LCN12: variants seen among roughly 807,000 people sequenced by gnomAD.
LCN12 encodes the protein epididymal-specific lipocalin-12.
In LCN12, 15 loss-of-function variants were observed where a neutral mutation model predicts 23.7. That is an observed-to-expected ratio of 0.63 (90% CI 0.42 to 0.97). The LOEUF is 0.97. Ranked by LOEUF, LCN12 falls within the 50% of genes least tolerant of loss-of-function variation. The pLI is 0.00. For missense variants in LCN12, 219 were observed against 249.6 expected, an observed-to-expected ratio of 0.88 and a Z score of 0.83; for synonymous variants, 116 against 111.5, an observed-to-expected ratio of 1.04 and a Z score of -0.25.
chr9:136,952,219 C>T (rs1468214926), upstream of LCN12: 4 of 789,520 alleles, frequency 5.1e-6, no homozygotes, highest in Middle Eastern at 4.6e-4. Context: ...GGGGCACACC[C>T]CCTTGGGAGG....
chr9:136,955,790 C>T (rs1313366547), downstream of LCN12, among the ~76,000 whole-genome samples: 1 of 152,252 alleles, frequency 6.6e-6, no homozygotes, highest in Non-Finnish European at 1.5e-5. Context: ...TCCACCTCCA[C>T]CCTGGTCAGC....
At position 136,953,863 on chromosome 9, in the gene LCN12, G is replaced by C; in HGVS notation, c.347G>C (p.Arg116Thr). Residue 116 changes from arginine to threonine, a missense_variant, in exon 4 of 6, where the codon AGA becomes ACA. Arg to Thr is a moderately conservative substitution (Grantham distance 71, BLOSUM62 -1). Transcript: ENST00000371633. Reference protein sequence around the residue: ...VDHGVEPGADREETRVVDSDY... With the variant: ...VDHGVEPGADTEETRVVDSDY... The stretch of plus-strand genomic sequence containing the variant: ...GCCGCCTCAGAGCCCGGGGCGGACA[G>C]AGAGGAGACCCGGGTGGTGGACAGC... 1.2e-6 allele frequency: 2 copies of C among 1,602,954 alleles called. No homozygotes were observed. Among genetic ancestry groups the C allele is most frequent in the African/African-American group, 1.3e-5 (1 of 74,952 alleles).
Position 136,955,424 on chromosome 9 carries a change from C to T in LCN12, c.*25C>T. ...AAGGATGAAGCAGCTCCTGTCCGGCCCAGCCCTGCCTCACAGCTGTGCGAG... is the reference window on the plus strand; with the variant it reads ...AAGGATGAAGCAGCTCCTGTCCGGCTCAGCCCTGCCTCACAGCTGTGCGAG... On this transcript the variant is annotated 3_prime_UTR_variant, in exon 6 of 6. Coordinates refer to ENST00000371633, the MANE Select transcript of LCN12 (RefSeq NM_178536.4). 1 of 1,608,932 alleles carries T rather than the reference C, an allele frequency of 6.2e-7. No individual in the cohort carries two copies. The highest frequency in any genetic ancestry group is 8.5e-7 in the Non-Finnish European group (1 of 1,176,026).
At chr9:136,954,106 A>G (rs1454511357) in intron 4 of LCN12, 48 bp from the exon 5 acceptor site, 1 of 1,516,732 alleles carries the variant, frequency 6.6e-7, no homozygotes, top group Non-Finnish European at 8.9e-7. Flanking sequence ...CCCAGCCCCC[A>G]ACCCCCTGCC....
chr9:136,952,732 A>C (rs950760868), intron 1 of LCN12, 160 bp from the exon 2 acceptor site: 8 of 796,032 alleles, frequency 1.0e-5, no homozygotes, highest in African/African-American at 1.7e-5. Flanking sequence ...CCAGACCCAG[A>C]GTAGGCTCTG....
rs1295538663 is a variant in LCN12, at chr9:136,952,875, C to T, written c.115-17C>T. 3.7e-6 allele frequency: 6 copies of T among 1,608,494 alleles called. No homozygotes were observed. The African/African-American group carries it at 8.0e-5, about 21-fold the overall frequency. ...ACCCCTGCCCACCGCCGCCCCTGCC[C>T]ACCACCGCCTCTGTAGTTCCAGGGG... On this transcript the variant is annotated splice_polypyrimidine_tract_variant and intron_variant, in intron 1 of 5. Coordinates refer to ENST00000371633, the MANE Select transcript of LCN12 (RefSeq NM_178536.4).
rs546586766 is a variant in LCN12 at position 136,955,335 on chromosome 9, CTT to C, written c.551-34_551-33del. 1.9e-4 allele frequency: 313 copies of C among 1,608,822 alleles called. No individual in the cohort carries two copies. In the East Asian group the frequency reaches 6.4e-3, roughly 33 times the overall value. The stretch of plus-strand genomic sequence containing the variant: ...TCCTGGGCTCTGTCCCCTGCTCCCC[CTT>C]TGTCCTCCATCCCGACTCCATCTCC... On this transcript the variant is annotated intron_variant, in intron 5 of 5. Transcript: ENST00000371633.
intron 2 of LCN12, 30 bp downstream of exon 2, chr9:136,953,058 G>C (rs201549988): frequency 4.3e-6 from 7 of 1,611,112 alleles, no homozygotes; most frequent in Admixed American, 1.7e-5. Flanking sequence ...GTTCCAAGCG[G>C]GTGAGGAGGA....
upstream of LCN12, among the ~76,000 whole-genome samples, chr9:136,950,003 G>A (rs1439214539): frequency 1.3e-5 from 2 of 150,264 alleles, no homozygotes; most frequent in Non-Finnish European, 3.0e-5. Flanking sequence ...CAGGCGGTAT[G>A]GAAGGCCGAG....
upstream of LCN12, among the ~76,000 whole-genome samples, chr9:136,952,091 C>T (rs958359619): frequency 1.3e-5 from 2 of 151,972 alleles, no homozygotes; most frequent in Non-Finnish European, 2.9e-5. Context: ...GGGGCCCCTC[C>T]TACCCCACCT....
chr9:136,953,111 T>C (rs1851205668), intron 2 of LCN12, 83 bp downstream of exon 2: 3 of 1,565,530 alleles, frequency 1.9e-6, no homozygotes, highest in Non-Finnish European at 2.6e-6. Flanking sequence ...AGGTGCGCCA[T>C]GGGCCCTGTC....
intron 2 of LCN12, chr9:136,953,352 ATCC>A (rs1242740983): frequency 3.1e-5 from 3 of 95,512 alleles, no homozygotes; most frequent in South Asian, 1.2e-4. Context: ...CACACCTGTA[ATCC>A]TAGCACTTTG....
chr9:136,953,875 G>T lies in LCN12; in HGVS notation c.359G>T (p.Arg120Leu), dbSNP rs375035674. Residue 120 changes from arginine to leucine, a missense_variant, in exon 4 of 6, where the codon CGG (arginine) becomes CTG (leucine). Coordinates refer to ENST00000371633, the MANE Select transcript of LCN12 (RefSeq NM_178536.4). Reference sequence around the variant, plus strand: ...CCCGGGGCGGACAGAGAGGAGACCCGGGTGGTGGACAGCGACTACACCCAG... The same window carrying T: ...CCCGGGGCGGACAGAGAGGAGACCCTGGTGGTGGACAGCGACTACACCCAG... ...VEPGADREETRVVDSDYTQFA... is the reference protein window; with the variant it reads ...VEPGADREETLVVDSDYTQFA... The T allele has an allele frequency of 8.1e-6, 13 of 1,605,790 alleles. No individual in the cohort carries two copies. Among genetic ancestry groups the T allele is most frequent in the East Asian group, 2.2e-5 (1 of 44,582 alleles).
rs1851302165 is a variant in LCN12 at position 136,955,485 on chromosome 9, C to T, written c.*86C>T. On this transcript the variant is annotated 3_prime_UTR_variant, in exon 6 of 6. Transcript: ENST00000371633. ...CTCAGCTCTCAAACCTGAATAAATG[C>T]ACCAAGCCCAGAGCCCCAGAGTGTG... The T allele has an allele frequency of 7.1e-7, 1 of 1,413,146 alleles. No individual in the cohort carries two copies. Among genetic ancestry groups the T allele is most frequent in the African/African-American group, 1.4e-5 (1 of 70,734 alleles). 87.5% of individuals were successfully genotyped at this position (1,413,146 alleles called of 1,614,324 possible).
intron 5 of LCN12, 138 bp downstream of exon 5, chr9:136,954,393 T>C: frequency 9.9e-7 from 1 of 1,013,916 alleles, no homozygotes; most frequent in Non-Finnish European, 1.5e-6. Flanking sequence ...GTCTCCAGGC[T>C]CCTGGGTCCC....
At chr9:136,955,064 A>G in intron 5 of LCN12, 1 of 1,403,036 alleles carries the variant, frequency 7.1e-7, no homozygotes, top group African/African-American at 1.5e-5. Flanking sequence ...ACCTGCACAC[A>G]CCTGCACACT....
upstream of LCN12, among the ~76,000 whole-genome samples, chr9:136,949,228 C>T (rs1029696935): frequency 2.0e-5 from 3 of 152,156 alleles, no homozygotes; most frequent in African/African-American, 7.2e-5. Context: ...GAGACCTCAT[C>T]TCTATTTAAA....
chr9:136,952,230 G>T (rs1851170709), upstream of LCN12: 7 of 838,048 alleles, frequency 8.4e-6, no homozygotes, highest in Admixed American at 1.4e-4. Flanking sequence ...CCTTGGGAGG[G>T]GCACCTGCTG....
In LCN12 at chr9:136,952,881, C is replaced by T. The variant is rs767375621; in HGVS notation, c.115-11C>T. 21 of 1,610,478 alleles carry T rather than the reference C, an allele frequency of 1.3e-5. No homozygotes were observed. In the Admixed American group the frequency reaches 1.3e-4, roughly 10 times the overall value. On this transcript the variant is annotated splice_polypyrimidine_tract_variant and intron_variant, in intron 1 of 5. Transcript: ENST00000371633. ...GCCCACCGCCGCCCCTGCCCACCAC[C>T]GCCTCTGTAGTTCCAGGGGGAATGG...
Sources: gnomAD v4.1 joint callset for allele counts (sites outside exome capture counted in the v4.1 genomes callset) on GRCh38, gnomAD v4.1.1 for gene constraint, MANE v1.5 for transcripts, NCBI Gene and HGNC (gene_info 2026-07-23, HGNC 2026-07-21) for gene names.